HEATR4: variants seen among roughly 807,000 people sequenced by gnomAD.
HEATR4 encodes the protein HEAT repeat containing 4, also known as HEAT repeat-containing protein 4.
A neutral mutation model predicts 108.8 loss-of-function variants in HEATR4; 95 were observed. The observed-to-expected ratio is 0.87, with a 90% CI of 0.74 to 1.04. HEATR4 has a LOEUF of 1.04. Among genes scored for constraint, HEATR4 ranks in the 50% least tolerant of loss-of-function variants. HEATR4 has a pLI of 0.00. For missense variants in HEATR4, 1,152 were observed against 1,253.8 expected (o/e 0.92, Z 1.23); for synonymous variants, 443 against 459.4 (o/e 0.96, Z 0.46).
the HEATR4 span, among the ~76,000 whole-genome samples, chr14:73,586,070 A>G: frequency 6.8e-6 from 1 of 147,892 alleles, no homozygotes; most frequent in Non-Finnish European, 1.5e-5. Context: ...TTCTTTTCTT[A>G]TGGAAAACAT....
Position 73,557,039 on chromosome 14 carries a change from C to T in HEATR4, c.-152+1712G>A, listed in dbSNP as rs1566854717. Among the ~76,000 whole-genome samples the T allele has an allele frequency of 1.8e-5, 2 of 113,826 alleles. 1 individual carries two copies. The highest frequency in any genetic ancestry group is 3.9e-5 in the Non-Finnish European group (2 of 51,912). The allele number at this position is 113,826 out of a possible 152,430, so 74.7% of individuals were successfully genotyped here. On this transcript the variant is annotated intron_variant, in intron 1 of 17. Coordinates refer to ENST00000553558, the MANE Select transcript of HEATR4 (RefSeq NM_001220484.1). ...AGCACCCCACTCCCAACAAATAGCC[C>T]TCTAGAACCAAAAGCAGAGTGGCAG...
At chr14:73,500,047 G>A (rs2140260619) in intron 12 of HEATR4, among the ~76,000 whole-genome samples, 1 of 152,296 alleles carries the variant, frequency 6.6e-6, no homozygotes, top group Middle Eastern at 3.4e-3. Context: ...GGCTAACACG[G>A]TGAAACCCCA....
intron 12 of HEATR4, 84 bp from the exon 13 acceptor site, chr14:73,499,224 T>C: frequency 8.4e-7 from 1 of 1,194,656 alleles, no homozygotes; most frequent in Non-Finnish European, 1.3e-6. Flanking sequence ...TGCACCCCTG[T>C]AATCCCAGCA....
the HEATR4 span, among the ~76,000 whole-genome samples, chr14:73,620,153 T>G: frequency 1.3e-5 from 2 of 152,068 alleles, no homozygotes; most frequent in Non-Finnish European, 2.9e-5. Flanking sequence ...TCAGGTGATA[T>G]GCCTACCTCA....
chr14:73,522,070 A>T (rs1888004750), intron 3 of HEATR4, among the ~76,000 whole-genome samples: 1 of 152,224 alleles, frequency 6.6e-6, no homozygotes, highest in Admixed American at 6.5e-5. Context: ...AGCTCCCACA[A>T]CAAAAATTAT....
the HEATR4 span, among the ~76,000 whole-genome samples, chr14:73,630,844 G>C: frequency 6.6e-6 from 1 of 152,150 alleles, no homozygotes; most frequent in Non-Finnish European, 1.5e-5. Flanking sequence ...CTCAGAGCAG[G>C]GTGGCAGGAG....
the HEATR4 span, among the ~76,000 whole-genome samples, chr14:73,566,735 G>A: frequency 2.0e-5 from 3 of 152,284 alleles, no homozygotes; most frequent in East Asian, 3.9e-4. Flanking sequence ...CTCCCTGCAA[G>A]CTGAGGGAGA....
intron 10 of HEATR4, among the ~76,000 whole-genome samples, chr14:73,506,198 C>T (rs746813210): frequency 6.6e-6 from 1 of 152,090 alleles, no homozygotes; most frequent in East Asian, 1.9e-4. Flanking sequence ...CTACTATAAA[C>T]GTTTCTAAAC....
chr14:73,492,999 C>CTTTTT lies in HEATR4; in HGVS notation c.2844+62_2844+66dup, dbSNP rs11410201. ...AGTGATTCTCCGCTGCCACTGCTAC[C>CTTTTT]TTTTTTTTTTTTTTTTCCTTAAACT... On this transcript the variant is annotated intron_variant, in intron 17 of 17. Coordinates refer to ENST00000553558, the MANE Select transcript of HEATR4 (RefSeq NM_001220484.1). The surrounding 1 kb of genome is among the most constrained non-coding windows in gnomAD (Gnocchi z 4.9). 5.5e-5 allele frequency: 80 copies of CTTTTT among 1,460,352 alleles called. No individual in the cohort carries two copies. Among genetic ancestry groups the CTTTTT allele is most frequent in the Admixed American group, 1.3e-4 (6 of 44,572 alleles). The allele number at this position is 1,460,352 out of a possible 1,614,324, so 90.5% of individuals were successfully genotyped here.
rs1289755895 is a variant in HEATR4 at position 73,522,735 on chromosome 14, T to C, written c.418A>G (p.Ser140Gly). The C allele has an allele frequency of 1.9e-6, 3 of 1,614,102 alleles. No homozygotes were observed. The highest frequency in any genetic ancestry group is 2.5e-6 in the Non-Finnish European group (3 of 1,180,036). The part of the protein sequence containing the change: ...GDTSLAVKTE[S>G]SANPEKKLKK... ...AGCTTCTTTTCGGGATTGGCAGAGC[T>C]TTCTGTCTTCACAGCCAGGGAGGTG... Residue 140 changes from serine to glycine, a missense_variant, in exon 3 of 18, where the codon AGC becomes GGC. Coordinates refer to ENST00000553558, the MANE Select transcript of HEATR4 (RefSeq NM_001220484.1).
the HEATR4 span, chr14:73,592,273 A>G: frequency 6.2e-7 from 1 of 1,612,786 alleles, no homozygotes; most frequent in South Asian, 1.1e-5. Context: ...TTTGTCGTGG[A>G]GTTGGAGGTG....
At chr14:73,592,860 G>C in the HEATR4 span, among the ~76,000 whole-genome samples, 2 of 151,438 alleles carry the variant, frequency 1.3e-5, no homozygotes, top group Non-Finnish European at 3.0e-5. Context: ...CTCAAAAAAA[G>C]AAAAAAGAAA....
intron 1 of HEATR4, among the ~76,000 whole-genome samples, chr14:73,541,264 T>G (rs1889077995): frequency 9.0e-6 from 1 of 111,610 alleles, no homozygotes; most frequent in Admixed American, 1.0e-4. Flanking sequence ...CATTCACCAG[T>G]TAAAGGACAT....
chr14:73,609,149 A>G, the HEATR4 span, among the ~76,000 whole-genome samples: 6,676 of 152,276 alleles, frequency 0.044, 176 homozygotes, highest in Middle Eastern at 0.075. Flanking sequence ...TATTGATTGT[A>G]TGGGGGAGAC....
the HEATR4 span, among the ~76,000 whole-genome samples, chr14:73,632,534 C>T: frequency 6.6e-6 from 1 of 151,914 alleles, no homozygotes; most frequent in Non-Finnish European, 1.5e-5. Context: ...TTTTCTCTCT[C>T]TTAAAAAAAC....
intron 12 of HEATR4, among the ~76,000 whole-genome samples, chr14:73,499,960 T>C (rs1407543059): frequency 6.6e-6 from 1 of 152,212 alleles, no homozygotes; most frequent in East Asian, 1.9e-4. Context: ...CCAGGCGCGG[T>C]GGCTCACGCC....
the HEATR4 span, among the ~76,000 whole-genome samples, chr14:73,590,192 G>T: frequency 2.0e-5 from 3 of 152,164 alleles, no homozygotes; most frequent in Non-Finnish European, 4.4e-5. Context: ...ACAGAGAGCC[G>T]ATTGGTCCGT....
At chr14:73,494,702 CA>C (rs1292495806) in intron 16 of HEATR4, among the ~76,000 whole-genome samples, 1 of 152,082 alleles carries the variant, frequency 6.6e-6, no homozygotes, top group African/African-American at 2.4e-5. Flanking sequence ...CAGTGTGTGC[CA>C]CCACACCCAG....
the HEATR4 span, among the ~76,000 whole-genome samples, chr14:73,598,926 C>T: frequency 6.6e-6 from 1 of 152,080 alleles, no homozygotes; most frequent in African/African-American, 2.4e-5. Context: ...ATCTCCCAAA[C>T]CTGAGAGGCA....
Sources: allele counts gnomAD v4.1 joint callset (sites outside exome capture counted in the v4.1 genomes callset), GRCh38; gene constraint gnomAD v4.1.1; non-coding constraint Gnocchi (gnomAD v3.1); transcripts MANE v1.5; gene names NCBI Gene and HGNC (gene_info 2026-07-23, HGNC 2026-07-21).